The following FRAS1 variants were observed in gnomAD, a reference collection of about 807,000 sequenced individuals.
FRAS1 encodes the protein extracellular matrix organizing protein FRAS1.
In FRAS1, 290 loss-of-function variants were observed where a neutral mutation model predicts 435.2. The ratio of observed to expected loss-of-function variants is 0.67; its 90% CI spans 0.61 to 0.73. The LOEUF is 0.73. FRAS1 is among the 30% of genes least tolerant of loss of function. The probability of loss-of-function intolerance (pLI) is 0.00; values close to 1 mark genes in which losing one functional copy is unlikely to be tolerated. For synonymous variants in FRAS1, 1,800 were observed against 1,851.0 expected, an observed-to-expected ratio of 0.97 and a Z score of 0.71; for missense variants, 4,860 against 5,001.5, an observed-to-expected ratio of 0.97 and a Z score of 0.85.
At chr4:78,470,712 A>T (rs1237767027) in intron 51 of FRAS1, among the ~76,000 whole-genome samples, 1 of 152,228 alleles carries the variant, frequency 6.6e-6, no homozygotes, top group African/African-American at 2.4e-5. Context: ...ATATGCAAGT[A>T]CTATGCCATT....
intron 29 of FRAS1, among the ~76,000 whole-genome samples, chr4:78,398,758 G>T (rs181847767): frequency 6.6e-6 from 1 of 152,178 alleles, no homozygotes; most frequent in Admixed American, 6.5e-5. Context: ...GCCGAGGCAG[G>T]CAGATCACAA....
At position 78,082,385 on chromosome 4, in the gene FRAS1, G is replaced by A. The variant is rs571905795; in HGVS notation, c.108+16369G>A. On this transcript the variant is annotated intron_variant, in intron 2 of 73. Transcript: ENST00000512123. ...ATATAAATTTAAATTTAAAGCATTT[G>A]TAATGTTTCCTGTGAACATAAAGCT... 3.3e-5 allele frequency among the ~76,000 whole-genome samples: 5 copies of A among 152,172 alleles called. No homozygotes were observed. The South Asian group carries it at 8.3e-4, about 25-fold the overall frequency.
Position 78,540,727 on chromosome 4 carries a change from C to A in FRAS1, c.11642C>A (p.Thr3881Asn). ...DNEGDQVKNGTNMKSLNLEMQ... is the reference protein window; with the variant it reads ...DNEGDQVKNGNNMKSLNLEMQ... Reference sequence around the variant, plus strand: ...GAAGGAGACCAAGTCAAGAATGGCACCAATATGAAGTCCCTGAATCTGGAG... The same window carrying A: ...GAAGGAGACCAAGTCAAGAATGGCAACAATATGAAGTCCCTGAATCTGGAG... The change falls in exon 74 of 74, where the codon ACC becomes AAC. Residue 3881 changes from threonine to asparagine, a missense_variant. By Grantham distance (65) the Thr-to-Asn change is moderately conservative. Transcript: ENST00000512123. 1 of 1,613,732 alleles carries A rather than the reference C, an allele frequency of 6.2e-7. No individual in the cohort carries two copies. The highest frequency in any genetic ancestry group is 8.5e-7 in the Non-Finnish European group (1 of 1,179,770).
chr4:78,156,299 G>A (rs1009765585), intron 2 of FRAS1, among the ~76,000 whole-genome samples: 3 of 151,756 alleles, frequency 2.0e-5, no homozygotes, highest in Non-Finnish European at 2.9e-5. Context: ...GAACATGTGT[G>A]CTCTTTTAAT....
At chr4:78,091,377 G>C (rs553453610) in intron 2 of FRAS1, among the ~76,000 whole-genome samples, 2 of 152,110 alleles carry the variant, frequency 1.3e-5, no homozygotes, top group African/African-American at 2.4e-5. Context: ...GTAGCATCAA[G>C]AGAAATCTAG....
At chr4:78,098,489 G>T (rs1487019911) in intron 2 of FRAS1, among the ~76,000 whole-genome samples, 2 of 151,982 alleles carry the variant, frequency 1.3e-5, no homozygotes, top group African/African-American at 2.4e-5. Context: ...TGGCCAGGCT[G>T]GTCTTGAGCT....
chr4:78,539,944 C>A (rs1387546047), intron 73 of FRAS1, among the ~76,000 whole-genome samples: 1 of 152,178 alleles, frequency 6.6e-6, no homozygotes, highest in Admixed American at 6.5e-5. Context: ...GAACTATTAT[C>A]ATGCTTCAGA....
At chr4:78,191,404 C>CT (rs777359389) in intron 2 of FRAS1, among the ~76,000 whole-genome samples, 10 of 151,888 alleles carry the variant, frequency 6.6e-5, no homozygotes, top group Non-Finnish European at 1.3e-4. Flanking sequence ...TTTTATTGCT[C>CT]TAGGGAATTA....
intron 71 of FRAS1, among the ~76,000 whole-genome samples, 177 bp from the exon 72 acceptor site, chr4:78,536,818 G>A (rs147778390): frequency 3.3e-4 from 50 of 152,192 alleles, no homozygotes; most frequent in African/African-American, 1.2e-3. Context: ...AAGAAAATAA[G>A]AATAAAAACG....
chr4:78,147,315 A>G (rs748316349), intron 2 of FRAS1, among the ~76,000 whole-genome samples: 1 of 152,186 alleles, frequency 6.6e-6, no homozygotes, highest in Non-Finnish European at 1.5e-5. Context: ...TGTACAGGGA[A>G]TGAACAGTTA....
intron 2 of FRAS1, among the ~76,000 whole-genome samples, chr4:78,221,855 A>G (rs1724064343): frequency 6.6e-6 from 1 of 152,224 alleles, no homozygotes; most frequent in Non-Finnish European, 1.5e-5. Flanking sequence ...TGGGGCCAAA[A>G]ATGAATAAAG....
intron 2 of FRAS1, among the ~76,000 whole-genome samples, chr4:78,085,512 T>G (rs1455675166): frequency 6.6e-6 from 1 of 152,126 alleles, no homozygotes; most frequent in Non-Finnish European, 1.5e-5. Flanking sequence ...GACAGAGCTG[T>G]AGGCAGCAGT....
At position 78,201,469 on chromosome 4, in the gene FRAS1, C is replaced by G. The variant is rs569334243; in HGVS notation, c.109-36041C>G. Among the ~76,000 whole-genome samples the G allele has an allele frequency of 2.0e-5, 3 of 152,214 alleles. No individual in the cohort carries two copies. The East Asian group carries it at 5.8e-4, about 29-fold the overall frequency. On this transcript the variant is annotated intron_variant, in intron 2 of 73. Coordinates refer to ENST00000512123, the MANE Select transcript of FRAS1 (RefSeq NM_025074.7). ...TCTTGACTTGCTTTGGATAAGAAAC[C>G]CATGGGTCATGCCCTCCCATCTTTC...
intron 66 of FRAS1, among the ~76,000 whole-genome samples, chr4:78,518,420 G>GTATATATATA (rs1282959069): frequency 1.5e-5 from 1 of 65,710 alleles, no homozygotes; most frequent in African/African-American, 7.1e-5. Flanking sequence ...TTTTTTTGTT[G>GTATATATATA]TGTATATATA....
intron 2 of FRAS1, among the ~76,000 whole-genome samples, chr4:78,116,938 C>T (rs183116437): frequency 6.6e-6 from 1 of 152,322 alleles, no homozygotes; most frequent in African/African-American, 2.4e-5. Flanking sequence ...ATGATCTTTA[C>T]AATTTGGCAT....
intron 12 of FRAS1, 97 bp downstream of exon 12, chr4:78,283,064 T>A (rs1184134511): frequency 1.1e-6 from 1 of 928,020 alleles, no homozygotes; most frequent in Non-Finnish European, 1.5e-6. Flanking sequence ...TCATTTTTAT[T>A]TTTAGTTAAC....
intron 2 of FRAS1, among the ~76,000 whole-genome samples, chr4:78,231,451 G>C (rs1467380048): frequency 6.6e-6 from 1 of 151,874 alleles, no homozygotes; most frequent in African/African-American, 2.4e-5. Context: ...TATGCACATA[G>C]ATATATTTTT....
At chr4:78,530,752 T>G (rs1721686307) in intron 70 of FRAS1, among the ~76,000 whole-genome samples, 1 of 152,222 alleles carries the variant, frequency 6.6e-6, no homozygotes, top group South Asian at 2.1e-4. Context: ...CCTTGTAGTA[T>G]AGTTTGAAGT....
chr4:78,430,686 T>C (rs1486691430), intron 37 of FRAS1, among the ~76,000 whole-genome samples: 1 of 152,034 alleles, frequency 6.6e-6, no homozygotes, highest in African/African-American at 2.4e-5. Flanking sequence ...TTCTGAAACT[T>C]GGAGTAAATG....
Sources: gnomAD v4.1 joint callset for allele counts (sites outside exome capture counted in the v4.1 genomes callset) on GRCh38, gnomAD v4.1.1 for gene constraint, MANE v1.5 for transcripts, NCBI Gene and HGNC (gene_info 2026-07-23, HGNC 2026-07-21) for gene names.